Variants in PARD3 observed in about 807,000 individuals in gnomAD.
The protein encoded by PARD3 is partitioning defective 3 homolog.
A neutral mutation model predicts 155.4 loss-of-function variants in PARD3; 75 were observed. That is an observed-to-expected ratio of 0.48 (90% CI 0.40 to 0.58). The LOEUF (loss-of-function observed/expected upper bound fraction) is 0.58. PARD3 is among the 20% of genes least tolerant of loss of function. The probability of loss-of-function intolerance (pLI) is 0.00; values close to 1 mark genes in which losing one functional copy is unlikely to be tolerated. For synonymous variants in PARD3, 576 were observed against 610.5 expected, an observed-to-expected ratio of 0.94 and a Z score of 0.83; for missense variants, 1,642 against 1,721.7, an observed-to-expected ratio of 0.95 and a Z score of 0.82.
intron 24 of PARD3, among the ~76,000 whole-genome samples, chr10:34,113,357 G>A (rs1034698183): frequency 1.3e-5 from 2 of 152,128 alleles, no homozygotes; most frequent in African/African-American, 4.8e-5. Flanking sequence ...AGGTTTGTTA[G>A]GGATGGAAAT....
intron 1 of PARD3, among the ~76,000 whole-genome samples, chr10:34,738,365 T>C (rs183371644): frequency 6.6e-5 from 10 of 152,324 alleles, no homozygotes; most frequent in South Asian, 4.1e-4. Flanking sequence ...ATTTTAGAGA[T>C]GGAGTCTCAC....
chr10:34,181,786 T>C (rs1467729052), intron 22 of PARD3, among the ~76,000 whole-genome samples: 1 of 152,132 alleles, frequency 6.6e-6, no homozygotes, highest in African/African-American at 2.4e-5. Flanking sequence ...GTTTGACCTC[T>C]ATGCAAATGA....
At chr10:34,769,015 C>T (rs1473403177) in intron 1 of PARD3, among the ~76,000 whole-genome samples, 2 of 152,226 alleles carry the variant, frequency 1.3e-5, no homozygotes, top group East Asian at 3.9e-4. Context: ...TCAATAAACT[C>T]CCTTGACTTC....
At chr10:34,685,530 C>CA (rs776499113) in intron 2 of PARD3, among the ~76,000 whole-genome samples, 1 of 152,024 alleles carries the variant, frequency 6.6e-6, no homozygotes, top group Non-Finnish European at 1.5e-5. Context: ...GGAAAAAACT[C>CA]AGAGTAAACC....
intron 22 of PARD3, among the ~76,000 whole-genome samples, chr10:34,254,537 C>CGTGTGTGTGTGTGTGTGTGT (rs55901749): frequency 6.9e-6 from 1 of 145,490 alleles, no homozygotes; most frequent in South Asian, 2.3e-4. Flanking sequence ...GGTAGGTAAA[C>CGTGTGTGTGTGTGTGTGTGT]GTGTGTGTGT....
At chr10:34,411,674 T>C (rs929132827) in intron 5 of PARD3, among the ~76,000 whole-genome samples, 3 of 151,948 alleles carry the variant, frequency 2.0e-5, no homozygotes, top group African/African-American at 7.3e-5. Flanking sequence ...CATAATCACA[T>C]GAGCCAATTC....
rs573773576 is a variant in PARD3, at chr10:34,111,082, C to T, written c.*87G>A. On this transcript the variant is annotated 3_prime_UTR_variant, in exon 25 of 25. Coordinates refer to ENST00000374788, the MANE Select transcript of PARD3 (RefSeq NM_001184785.2). The stretch of plus-strand genomic sequence containing the variant: ...CAACAGAAATACTCCATAGTACCAT[C>T]GAGGTTTTAAAAAAACTCCCAAAAT... The T allele has an allele frequency of 1.9e-5, 27 of 1,399,268 alleles. No individual in the cohort carries two copies. In the East Asian group the frequency reaches 2.1e-4, roughly 11 times the overall value. 86.7% of individuals were successfully genotyped at this position (1,399,268 alleles called of 1,614,324 possible). A position where few individuals can be genotyped will look rare whatever the true frequency, so the allele number is the denominator to read the frequency against.
intron 2 of PARD3, among the ~76,000 whole-genome samples, chr10:34,651,012 A>C (rs557458623): frequency 0.14 from 2,320 of 16,498 alleles, 19 homozygotes; most frequent in Non-Finnish European, 0.19. Context: ...ACTCTGTCTC[A>C]AAAAAAAAAA....
intron 5 of PARD3, among the ~76,000 whole-genome samples, chr10:34,411,607 A>T (rs1845060279): frequency 6.6e-6 from 1 of 151,984 alleles, no homozygotes; most frequent in Non-Finnish European, 1.5e-5. Context: ...TCCTTACACC[A>T]TTGGTTCTCC....
chr10:34,510,506 A>G (rs2081342218), intron 3 of PARD3, among the ~76,000 whole-genome samples: 1 of 152,236 alleles, frequency 6.6e-6, no homozygotes, highest in Non-Finnish European at 1.5e-5. Flanking sequence ...ACACAGTACT[A>G]TATTTAAAAT....
intron 5 of PARD3, among the ~76,000 whole-genome samples, chr10:34,432,075 T>C (rs1012469133): frequency 2.6e-5 from 2 of 77,688 alleles, no homozygotes; most frequent in African/African-American, 8.4e-5. Flanking sequence ...AAAAAAAGAA[T>C]GCAGAGAACC....
At chr10:34,781,572 C>T (rs1199874470) in intron 1 of PARD3, among the ~76,000 whole-genome samples, 2 of 152,220 alleles carry the variant, frequency 1.3e-5, no homozygotes, top group African/African-American at 4.8e-5. Flanking sequence ...TGGTAGGTGA[C>T]AGCTGGATCT....
intron 22 of PARD3, among the ~76,000 whole-genome samples, chr10:34,169,546 C>T (rs1216330765): frequency 6.6e-6 from 1 of 152,130 alleles, no homozygotes; most frequent in Non-Finnish European, 1.5e-5. Flanking sequence ...TTCCTCCTCA[C>T]TACTAGGGAC....
chr10:34,144,787 T>C (rs1393084405), intron 22 of PARD3, among the ~76,000 whole-genome samples: 1 of 152,158 alleles, frequency 6.6e-6, no homozygotes, highest in East Asian at 1.9e-4. Context: ...GATTTTACAA[T>C]CTGATTTTTC....
At chr10:34,317,507 A>C (rs1342965107) in intron 19 of PARD3, among the ~76,000 whole-genome samples, 169 bp from the exon 20 acceptor site, 2 of 152,216 alleles carry the variant, frequency 1.3e-5, no homozygotes, top group African/African-American at 4.8e-5. Context: ...AAAATGGAAC[A>C]TGTGATGTGG....
chr10:34,747,208 T>C (rs1236730913), intron 1 of PARD3, among the ~76,000 whole-genome samples: 1 of 152,238 alleles, frequency 6.6e-6, no homozygotes, highest in Non-Finnish European at 1.5e-5. Context: ...TTTGGCTTTT[T>C]TTCTTTTCCC....
At chr10:34,627,917 C>A (rs2092064135) in intron 2 of PARD3, among the ~76,000 whole-genome samples, 1 of 152,054 alleles carries the variant, frequency 6.6e-6, no homozygotes, top group South Asian at 2.1e-4. Context: ...ACACAGGTTG[C>A]CTCATCAGCT....
At chr10:34,678,917 T>G (rs1282004050) in intron 2 of PARD3, among the ~76,000 whole-genome samples, 1 of 151,942 alleles carries the variant, frequency 6.6e-6, no homozygotes, top group Non-Finnish European at 1.5e-5. Context: ...CTTGAAAACC[T>G]TAACGCCTTC....
At chr10:34,636,029 A>G (rs111356223) in intron 2 of PARD3, among the ~76,000 whole-genome samples, 5 of 150,892 alleles carry the variant, frequency 3.3e-5, no homozygotes, top group African/African-American at 1.2e-4. Context: ...TAAAAAAAAA[A>G]GAAGAAGAAG....
Sources: allele counts gnomAD v4.1 joint callset (sites outside exome capture counted in the v4.1 genomes callset), GRCh38; gene constraint gnomAD v4.1.1; transcripts MANE v1.5; gene names NCBI Gene and HGNC (gene_info 2026-07-23, HGNC 2026-07-21).